Variants in CNTNAP5 observed in about 807,000 individuals in gnomAD.
CNTNAP5 encodes contactin associated protein family member 5, also known as contactin-associated protein-like 5.
A neutral mutation model predicts 150.2 loss-of-function variants in CNTNAP5; 72 were observed. The observed-to-expected ratio is 0.48, with a 90% CI of 0.40 to 0.58. The LOEUF is 0.58. Ranked by LOEUF, CNTNAP5 falls within the 20% of genes least tolerant of loss-of-function variation. The pLI, the probability that CNTNAP5 is intolerant of heterozygous loss-of-function variation, is 0.00. For synonymous variants in CNTNAP5, 672 were observed against 619.8 expected, an observed-to-expected ratio of 1.08 and a Z score of -1.25; for missense variants, 1,636 against 1,626.2, an observed-to-expected ratio of 1.01 and a Z score of -0.10.
chr2:124,328,064 A>G (rs903401619), intron 3 of CNTNAP5, among the ~76,000 whole-genome samples: 1 of 152,240 alleles, frequency 6.6e-6, no homozygotes, highest in Non-Finnish European at 1.5e-5. Context: ...GTTTTAAGAA[A>G]AAATAAAAAA....
At chr2:124,100,283 C>T (rs534406219) in intron 1 of CNTNAP5, among the ~76,000 whole-genome samples, 1 of 152,258 alleles carries the variant, frequency 6.6e-6, no homozygotes, top group African/African-American at 2.4e-5. Flanking sequence ...CATGAGAGTT[C>T]ACCCCTGTGA....
chr2:124,191,528 A>G (rs1685456650), intron 1 of CNTNAP5, among the ~76,000 whole-genome samples: 1 of 152,234 alleles, frequency 6.6e-6, no homozygotes, highest in Non-Finnish European at 1.5e-5. Flanking sequence ...TTGGAGAAAG[A>G]GACAAGTCAG....
chr2:124,666,574 G>A (rs1487112035), intron 13 of CNTNAP5, among the ~76,000 whole-genome samples: 1 of 152,090 alleles, frequency 6.6e-6, no homozygotes, highest in South Asian at 2.1e-4. Context: ...CAGGGAATTC[G>A]CTTTTTCAGA....
At position 124,446,949 on chromosome 2, in the gene CNTNAP5, C is replaced by T; in HGVS notation, c.918+12C>T. 6.2e-7 allele frequency: 1 copy of T among 1,609,010 alleles called. No homozygotes were observed. The highest frequency in any genetic ancestry group is 8.5e-7 in the Non-Finnish European group (1 of 1,176,462). On this transcript the variant is annotated intron_variant, in intron 6 of 23. Transcript: ENST00000682447. ...ACATTGACTATGAGGTGAGTTGATCCTCCTTCCTGCACCTCCTCGGCCCCT... is the reference window on the plus strand; with the variant it reads ...ACATTGACTATGAGGTGAGTTGATCTTCCTTCCTGCACCTCCTCGGCCCCT...
chr2:124,197,331 G>A (rs1166268826), intron 1 of CNTNAP5, among the ~76,000 whole-genome samples: 1 of 152,106 alleles, frequency 6.6e-6, no homozygotes, highest in Non-Finnish European at 1.5e-5. Context: ...TTAGTTTTGT[G>A]TGATTTTAAA....
Position 124,773,677 on chromosome 2 carries a change from A to G in CNTNAP5, c.2752+660A>G, listed in dbSNP as rs967175439. On this transcript the variant is annotated intron_variant, in intron 17 of 23. Transcript: ENST00000682447. Reference sequence around the variant, plus strand: ...TTCCACTCATAGTCACTGAGCATCTACAACTGGTCAGGTATCTTGTTAGAT... The same window carrying G: ...TTCCACTCATAGTCACTGAGCATCTGCAACTGGTCAGGTATCTTGTTAGAT... Among the ~76,000 whole-genome samples, 11 of 152,106 alleles carry G rather than the reference A, an allele frequency of 7.2e-5. No individual in the cohort carries two copies. The East Asian group carries it at 1.4e-3, about 19-fold the overall frequency.
chr2:124,908,154 C>A (rs1678576523), intron 22 of CNTNAP5, among the ~76,000 whole-genome samples: 1 of 151,920 alleles, frequency 6.6e-6, no homozygotes, highest in Non-Finnish European at 1.5e-5. Flanking sequence ...GGGCAGATCA[C>A]AAGGTGAGGA....
intron 1 of CNTNAP5, among the ~76,000 whole-genome samples, chr2:124,058,261 T>C (rs533918771): frequency 1.3e-5 from 2 of 152,282 alleles, no homozygotes; most frequent in South Asian, 4.1e-4. Flanking sequence ...TGGAATGTTA[T>C]ATAAGGTTTT....
rs550197713 is a variant in CNTNAP5 at position 124,059,802 on chromosome 2, G to A, written c.82+34070G>A. On this transcript the variant is annotated intron_variant, in intron 1 of 23. Transcript: ENST00000682447. ...TCTGGTCTTCTGAACAAGATGGCGA[G>A]TTCCTCAAGGGCAAGAGCCTGTGAA... Among the ~76,000 whole-genome samples the A allele has an allele frequency of 2.7e-4, 41 of 152,090 alleles. 1 individual carries two copies. The South Asian group carries it at 8.3e-3, about 31-fold the overall frequency.
At chr2:124,731,970 G>A (rs1680281773) in intron 13 of CNTNAP5, among the ~76,000 whole-genome samples, 1 of 151,922 alleles carries the variant, frequency 6.6e-6, no homozygotes, top group Admixed American at 6.6e-5. Context: ...TTCCATTTAG[G>A]TCTCTTTGTT....
intron 1 of CNTNAP5, among the ~76,000 whole-genome samples, chr2:124,064,547 C>A (rs1404849641): frequency 5.9e-5 from 9 of 152,138 alleles, no homozygotes. Context: ...CTGCATCCAT[C>A]AATTTTCACT....
intron 13 of CNTNAP5, among the ~76,000 whole-genome samples, chr2:124,705,609 G>T (rs76892848): frequency 0.025 from 3,839 of 152,096 alleles, 172 homozygotes; most frequent in African/African-American, 0.089. Context: ...TTAAATAAAT[G>T]TTGAATTAAT....
At chr2:124,039,942 G>T (rs554810141) in intron 1 of CNTNAP5, among the ~76,000 whole-genome samples, 3 of 151,754 alleles carry the variant, frequency 2.0e-5, no homozygotes, top group African/African-American at 7.3e-5. Context: ...GTGCATATCC[G>T]CTATGTAAAC....
chr2:124,396,141 C>T (rs1691237728), intron 3 of CNTNAP5, among the ~76,000 whole-genome samples: 1 of 152,182 alleles, frequency 6.6e-6, no homozygotes, highest in Non-Finnish European at 1.5e-5. Flanking sequence ...CCTTGCAAGT[C>T]AAGCTAAGGA....
intron 4 of CNTNAP5, among the ~76,000 whole-genome samples, chr2:124,427,173 C>G (rs1692257638): frequency 6.6e-6 from 1 of 152,082 alleles, no homozygotes; most frequent in South Asian, 2.1e-4. Flanking sequence ...CTCTGAGGAA[C>G]AGATAACAGG....
intron 19 of CNTNAP5, among the ~76,000 whole-genome samples, chr2:124,824,348 T>C (rs41350947): frequency 0.12 from 18,158 of 152,252 alleles, 1,272 homozygotes; most frequent in Non-Finnish European, 0.16. Flanking sequence ...TGCTGCTTAT[T>C]CCTCTGCTGT....
intron 3 of CNTNAP5, among the ~76,000 whole-genome samples, chr2:124,264,389 TA>T (rs1687548234): frequency 4.7e-5 from 6 of 126,628 alleles, no homozygotes; most frequent in African/African-American, 1.7e-4. Flanking sequence ...CACACACACA[TA>T]CACACACACA....
intron 19 of CNTNAP5, among the ~76,000 whole-genome samples, chr2:124,803,951 T>TGG (rs1682028145): frequency 8.5e-5 from 13 of 152,166 alleles, no homozygotes; most frequent in African/African-American, 2.7e-4. Flanking sequence ...GCAAGAATCC[T>TGG]GATAAACAGA....
At chr2:124,374,737 A>G (rs373544570) in intron 3 of CNTNAP5, among the ~76,000 whole-genome samples, 1 of 152,028 alleles carries the variant, frequency 6.6e-6, no homozygotes, top group African/African-American at 2.4e-5. Context: ...TTGGTTTCTA[A>G]ACAGCATTCT....
Sources: allele counts gnomAD v4.1 joint callset (sites outside exome capture counted in the v4.1 genomes callset), GRCh38; gene constraint gnomAD v4.1.1; transcripts MANE v1.5; gene names NCBI Gene and HGNC (gene_info 2026-07-23, HGNC 2026-07-21).